USP3: variants seen among roughly 807,000 people sequenced by gnomAD.
The protein encoded by USP3 is ubiquitin specific peptidase 3, also known as ubiquitin carboxyl-terminal hydrolase 3.
A neutral mutation model predicts 72.3 loss-of-function variants in USP3; 20 were observed. The observed-to-expected ratio is 0.28, with a 90% CI of 0.19 to 0.40. USP3 has a LOEUF of 0.40. USP3 is among the 10% of genes least tolerant of loss of function. USP3 has a pLI of 1.00. For missense variants in USP3, 479 were observed against 633.9 expected (o/e 0.76, Z 2.62); for synonymous variants, 222 against 225.3 (o/e 0.99, Z 0.13).
chr15:63,532,827 C>A, intron 2 of USP3, 120 bp downstream of exon 2: 1 of 1,024,172 alleles, frequency 9.8e-7, no homozygotes, highest in South Asian at 1.5e-5. Flanking sequence ...TGCATAATTC[C>A]CTGTAGGGCT....
At chr15:63,518,521 A>G (rs2065879326) in intron 1 of USP3, among the ~76,000 whole-genome samples, 1 of 152,224 alleles carries the variant, frequency 6.6e-6, no homozygotes, top group Admixed American at 6.5e-5. Context: ...AATTGGAAGT[A>G]AAGGACACAG....
At position 63,593,656 on chromosome 15, in the gene USP3, GTGAT is replaced by G. The variant is rs1325238274; in HGVS notation, c.*2833_*2836del. The G allele has an allele frequency of 6.6e-6, 1 of 152,240 alleles. No individual in the cohort carries two copies. The highest frequency in any genetic ancestry group is 2.4e-5 in the African/African-American group (1 of 41,464). The allele number at this position is 152,240 out of a possible 1,614,324, so 9.4% of individuals were successfully genotyped here. ...AATGGTGTGAAGATTCTTTAGAAAA[GTGAT>G]TGGATCCATCTCAATTGTGCACTTG... On this transcript the variant is annotated 3_prime_UTR_variant, in exon 15 of 15. Transcript: ENST00000380324.
At chr15:63,537,251 C>T (rs1376723132) in intron 3 of USP3, 95 bp downstream of exon 3, 2 of 1,357,118 alleles carry the variant, frequency 1.5e-6, no homozygotes, top group African/African-American at 3.0e-5. Context: ...GTTACTACTG[C>T]TGTTACCTCC....
chr15:63,573,723 TGGAA>T (rs1312538496), intron 9 of USP3, among the ~76,000 whole-genome samples: 3 of 152,074 alleles, frequency 2.0e-5, no homozygotes, highest in African/African-American at 4.8e-5. Flanking sequence ...GGGGAGGAAA[TGGAA>T]GGAGTCATGT....
At position 63,588,402 on chromosome 15, in the gene USP3, T is replaced by C; in HGVS notation, c.1194T>C (p.Phe398=). ...AGAAACAAAAGTCCACAAAAAAGTT[T>C]TGGATTCAAAAACTACCCAAGGTGA... ...CKKKQKSTKK[F]WIQKLPKVLC... is the part of the protein sequence containing the mutation. Residue 398 remains phenylalanine, a synonymous_variant, in exon 12 of 15, where the codon TTT becomes TTC. Coordinates refer to ENST00000380324, the MANE Select transcript of USP3 (RefSeq NM_006537.4). The surrounding 1 kb of genome is among the most constrained non-coding windows in gnomAD (Gnocchi z 4.6). 4.4e-6 allele frequency: 7 copies of C among 1,604,902 alleles called. No individual in the cohort carries two copies. The highest frequency in any genetic ancestry group is 5.1e-6 in the Non-Finnish European group (6 of 1,177,662).
At chr15:63,519,783 T>C (rs2065893715) in intron 1 of USP3, among the ~76,000 whole-genome samples, 1 of 152,220 alleles carries the variant, frequency 6.6e-6, no homozygotes, top group South Asian at 2.1e-4. Flanking sequence ...CTTTTACATG[T>C]TAGTTGGCAT....
chr15:63,566,582 G>A (rs2066695394), intron 8 of USP3, among the ~76,000 whole-genome samples: 1 of 152,058 alleles, frequency 6.6e-6, no homozygotes, highest in Admixed American at 6.6e-5. Context: ...CAAAGTGCTG[G>A]GATTACAGTT....
chr15:63,553,836 A>G lies in USP3; in HGVS notation c.368+38A>G, dbSNP rs369168895. On this transcript the variant is annotated intron_variant, in intron 4 of 14. Transcript: ENST00000380324. The surrounding 1 kb of genome is among the most constrained non-coding windows in gnomAD (Gnocchi z 4.2). ...CCTTTGGAAAAAGAAGGGCCTAAGAATGGGGTTGAGGAGTCTTTTAGAATT... is the reference window on the plus strand; with the variant it reads ...CCTTTGGAAAAAGAAGGGCCTAAGAGTGGGGTTGAGGAGTCTTTTAGAATT... 5.5e-5 allele frequency: 87 copies of G among 1,572,926 alleles called. No homozygotes were observed. The highest frequency in any genetic ancestry group is 1.2e-4 in the Admixed American group (7 of 56,640).
chr15:63,558,207 CTTAAGTGTCTGACA>C lies in USP3; in HGVS notation c.533+24_533+37del. On this transcript the variant is annotated intron_variant, in intron 6 of 14. Coordinates refer to ENST00000380324, the MANE Select transcript of USP3 (RefSeq NM_006537.4). ...CACTCAGGTAACGCTACAGTCAGAG[CTTAAGTGTCTGACA>C]TTAAAGGTTAAGAGCACGGGCTCTG... 1 of 1,612,876 alleles carries C rather than the reference CTTAAGTGTCTGACA, an allele frequency of 6.2e-7. No homozygotes were observed. The highest frequency in any genetic ancestry group is 8.5e-7 in the Non-Finnish European group (1 of 1,179,056).
At chr15:63,518,478 C>A (rs1056192290) in intron 1 of USP3, among the ~76,000 whole-genome samples, 1 of 152,106 alleles carries the variant, frequency 6.6e-6, no homozygotes, top group Admixed American at 6.6e-5. Context: ...TAACCTTCTC[C>A]CTTGTGTTTT....
chr15:63,519,765 T>C (rs1253607636), intron 1 of USP3, among the ~76,000 whole-genome samples: 1 of 152,228 alleles, frequency 6.6e-6, no homozygotes, highest in Non-Finnish European at 1.5e-5. Flanking sequence ...ATTTTCTGAC[T>C]CGTAATTCTT....
chr15:63,536,992 A>C, intron 2 of USP3, 33 bp from the exon 3 acceptor site: 1 of 1,595,722 alleles, frequency 6.3e-7, no homozygotes, highest in South Asian at 1.1e-5. Context: ...CCAAAGCAAT[A>C]TTTAAAGTAA....
chr15:63,580,641 C>CAT (rs1210661793), intron 11 of USP3, among the ~76,000 whole-genome samples: 3 of 49,566 alleles, frequency 6.1e-5, no homozygotes, highest in Non-Finnish European at 9.7e-5. Context: ...GAAAGTGGTG[C>CAT]ATATATATAT....
At chr15:63,559,092 C>T (rs1431282217) in intron 6 of USP3, among the ~76,000 whole-genome samples, 1 of 152,026 alleles carries the variant, frequency 6.6e-6, no homozygotes, top group African/African-American at 2.4e-5. Flanking sequence ...TATGAAAAAT[C>T]AGACGTTGGT....
chr15:63,540,495 G>C (rs957500266), intron 3 of USP3, among the ~76,000 whole-genome samples: 3 of 152,136 alleles, frequency 2.0e-5, no homozygotes, highest in Non-Finnish European at 4.4e-5. Context: ...TTTCAGAAAT[G>C]GGGAAGGTTA....
At chr15:63,590,241 G>A (rs190506679) in intron 14 of USP3, among the ~76,000 whole-genome samples, 39 of 150,746 alleles carry the variant, frequency 2.6e-4, no homozygotes, top group Admixed American at 2.2e-3. Context: ...TGACTTGGAG[G>A]ACTGACTCCA....
rs1397129273 is a variant in USP3, at chr15:63,558,113, C to T, written c.458C>T (p.Thr153Ile). Residue 153 changes from threonine to isoleucine, a missense_variant, in exon 6 of 15, where the codon ACC becomes ATC. By Grantham distance (89) the Thr-to-Ile change is moderately conservative. Coordinates refer to ENST00000380324, the MANE Select transcript of USP3 (RefSeq NM_006537.4). Reference sequence around the variant, plus strand: ...TTCTTGCACCACTTACAGGGAAGCACCACTGCCATTTGTGCCACAGGCCTT... The same window carrying T: ...TTCTTGCACCACTTACAGGGAAGCATCACTGCCATTTGTGCCACAGGCCTT... ...NSKLLKVNGS[T>I]TAICATGLRN... The T allele has an allele frequency of 3.7e-6, 6 of 1,614,064 alleles. No homozygotes were observed. In the Admixed American group the frequency reaches 6.7e-5, roughly 18 times the overall value.
intron 6 of USP3, among the ~76,000 whole-genome samples, chr15:63,558,791 C>CTTGAACCCAGGAGGTGGAAGTTG (rs1469257954): frequency 5.9e-5 from 9 of 152,198 alleles, no homozygotes; most frequent in Non-Finnish European, 1.3e-4. Context: ...AGGAGAATCG[C>CTTGAACCCAGGAGGTGGAAGTTG]TTGAACCCAG....
intron 8 of USP3, among the ~76,000 whole-genome samples, chr15:63,569,556 AT>A (rs1403485964): frequency 6.6e-6 from 1 of 152,230 alleles, no homozygotes; most frequent in African/African-American, 2.4e-5. Context: ...AATGATTTAG[AT>A]TAATTAAAGA....
Sources: allele counts gnomAD v4.1 joint callset (sites outside exome capture counted in the v4.1 genomes callset), GRCh38; gene constraint gnomAD v4.1.1; non-coding constraint Gnocchi (gnomAD v3.1); transcripts MANE v1.5; gene names NCBI Gene and HGNC (gene_info 2026-07-23, HGNC 2026-07-21).